The following FIG4 variants were observed in gnomAD, a reference collection of about 807,000 sequenced individuals.
FIG4 encodes the protein polyphosphoinositide phosphatase.
A neutral mutation model predicts 118.6 loss-of-function variants in FIG4; 112 were observed. The ratio of observed to expected loss-of-function variants is 0.94; its 90% CI spans 0.81 to 1.11. The LOEUF (loss-of-function observed/expected upper bound fraction) is 1.11, where lower values mean the gene tolerates loss of function less well. Among genes scored for constraint, FIG4 ranks in the 50% least tolerant of loss-of-function variants. The probability of loss-of-function intolerance (pLI) is 0.00; values close to 1 mark genes in which losing one functional copy is unlikely to be tolerated. For synonymous variants in FIG4, 369 were observed against 381.2 expected (o/e 0.97, Z 0.37); for missense variants, 969 against 1,111.7 (o/e 0.87, Z 1.83).
intron 1 of FIG4, among the ~76,000 whole-genome samples, chr6:109,708,448 T>A (rs1425624553): frequency 6.6e-6 from 1 of 152,258 alleles, no homozygotes; most frequent in African/African-American, 2.4e-5. Flanking sequence ...TGTGTCTTTA[T>A]AATAGAACAA....
intron 22 of FIG4, among the ~76,000 whole-genome samples, chr6:109,798,647 C>T (rs1457025271): frequency 6.6e-6 from 1 of 152,092 alleles, no homozygotes; most frequent in Non-Finnish European, 1.5e-5. Flanking sequence ...CTGATCTTGG[C>T]AGGGATCTGG....
chr6:109,791,671 CA>C, intron 20 of FIG4, 100 bp downstream of exon 20: 1 of 968,740 alleles, frequency 1.0e-6, no homozygotes, highest in Non-Finnish European at 1.6e-6. Context: ...GAAAATGTCA[CA>C]TTATCTCACT....
At chr6:109,736,166 A>G (rs559991504) in intron 6 of FIG4, among the ~76,000 whole-genome samples, 2 of 152,122 alleles carry the variant, frequency 1.3e-5, no homozygotes, top group South Asian at 2.1e-4. Context: ...TGCTCTGTGC[A>G]ACTTAAATGA....
At chr6:109,751,544 TG>T (rs1355578791) in intron 10 of FIG4, among the ~76,000 whole-genome samples, 1 of 152,206 alleles carries the variant, frequency 6.6e-6, no homozygotes, top group Non-Finnish European at 1.5e-5. Context: ...TATCTGGTAC[TG>T]GGCTTTTTTT....
At chr6:109,738,784 G>A (rs1776238008) in intron 7 of FIG4, among the ~76,000 whole-genome samples, 1 of 152,182 alleles carries the variant, frequency 6.6e-6, no homozygotes. Context: ...ACTTGGCCTG[G>A]GCCCTAAACA....
In FIG4 at chr6:109,727,218, C is replaced by A; in HGVS notation, c.399C>A (p.Ile133=). 6.2e-7 allele frequency: 1 copy of A among 1,612,192 alleles called. No individual in the cohort carries two copies. Among genetic ancestry groups the A allele is most frequent in the Non-Finnish European group, 8.5e-7 (1 of 1,178,614 alleles). ...ATAAGGTCGAAGATACAAATATGAT[C>A]TATATACCCAATGATTCTGTACGGG... The part of the protein sequence containing the change: ...AIYKVEDTNM[I]YIPNDSVRVT... Residue 133 remains isoleucine (I), a synonymous_variant, in exon 4 of 23, where the codon ATC becomes ATA. Coordinates refer to ENST00000230124, the MANE Select transcript of FIG4 (RefSeq NM_014845.6).
In FIG4 at chr6:109,765,063, A is replaced by C; in HGVS notation, c.1485A>C (p.Thr495=). The C allele has an allele frequency of 6.2e-7, 1 of 1,613,882 alleles. No individual in the cohort carries two copies. Among genetic ancestry groups the C allele is most frequent in the Non-Finnish European group, 8.5e-7 (1 of 1,179,758 alleles). Residue 495 remains threonine (T), a synonymous_variant, in exon 14 of 23, where the codon ACA becomes ACC. Transcript: ENST00000230124. The part of the protein sequence containing the change: ...NCVDCLDRTN[T]AQFMVGKCAL... Reference sequence around the variant, plus strand: ...TGGACTGTTTAGATCGCACCAACACAGCACAGTTTATGGTGGGAAAATGTG... The same window carrying C: ...TGGACTGTTTAGATCGCACCAACACCGCACAGTTTATGGTGGGAAAATGTG...
At chr6:109,694,574 A>G (rs936069483) in intron 1 of FIG4, among the ~76,000 whole-genome samples, 1 of 152,224 alleles carries the variant, frequency 6.6e-6, no homozygotes, top group African/African-American at 2.4e-5. Flanking sequence ...AACAAACCCA[A>G]AAATAGACAA....
At chr6:109,767,423 A>C (rs1434252417) in intron 15 of FIG4, among the ~76,000 whole-genome samples, 1 of 152,194 alleles carries the variant, frequency 6.6e-6, no homozygotes, top group Admixed American at 6.5e-5. Flanking sequence ...TGGAATTGCC[A>C]ATACAATAGG....
At chr6:109,807,897 G>T (rs1351787034) in intron 22 of FIG4, among the ~76,000 whole-genome samples, 1 of 152,068 alleles carries the variant, frequency 6.6e-6, no homozygotes, top group Non-Finnish European at 1.5e-5. Context: ...TGTCAGATTT[G>T]TCAAAGATTG....
intron 3 of FIG4, among the ~76,000 whole-genome samples, chr6:109,725,985 G>C (rs1200487872): frequency 2.0e-5 from 3 of 152,116 alleles, no homozygotes; most frequent in Non-Finnish European, 4.4e-5. Context: ...GTTCCTTGTA[G>C]ATTCTGGATA....
At chr6:109,798,593 TGAGACTACCTAGGAAGC>T (rs1295408094) in intron 22 of FIG4, among the ~76,000 whole-genome samples, 1 of 152,098 alleles carries the variant, frequency 6.6e-6, no homozygotes, top group African/African-American at 2.4e-5. Context: ...AAGTTAAGGA[TGAGACTACCTAGGAAGC>T]GAGACTACAG....
rs754607430 is a variant in FIG4 at position 109,765,005 on chromosome 6, C to T, written c.1435-8C>T. ...AATGATTGAAAATCTTAAGGTATTT[C>T]TCTTTAGACTGGCATCCTTCGAACC... On this transcript the variant is annotated splice_region_variant and splice_polypyrimidine_tract_variant and intron_variant, in intron 13 of 22. Coordinates refer to ENST00000230124, the MANE Select transcript of FIG4 (RefSeq NM_014845.6). The T allele has an allele frequency of 1.1e-5, 18 of 1,612,174 alleles. No homozygotes were observed. Among genetic ancestry groups the T allele is most frequent in the African/African-American group, 5.3e-5 (4 of 74,842 alleles).
At chr6:109,745,099 CAT>C (rs1416381604) in intron 10 of FIG4, among the ~76,000 whole-genome samples, 1 of 152,094 alleles carries the variant, frequency 6.6e-6, no homozygotes, top group African/African-American at 2.4e-5. Context: ...CTGCAATAAA[CAT>C]ATATGTGCAT....
intron 22 of FIG4, among the ~76,000 whole-genome samples, chr6:109,811,224 A>C (rs1028728334): frequency 2.0e-5 from 3 of 152,166 alleles, no homozygotes; most frequent in Non-Finnish European, 2.9e-5. Context: ...AGGGACCAAT[A>C]AGTGAAACAT....
At position 109,791,404 on chromosome 6, in the gene FIG4, T is replaced by C. The variant is rs1405585378; in HGVS notation, c.2209T>C (p.Leu737=). 5 of 1,613,480 alleles carry C rather than the reference T, an allele frequency of 3.1e-6. No homozygotes were observed. The highest frequency in any genetic ancestry group is 4.2e-6 in the Non-Finnish European group (5 of 1,180,016). ...CAAAAGCAATAGAGAAGAAGCTGTA[T>C]TACAGCGGAAAACGGCAGCCAGCGC... The part of the protein sequence containing the change: ...GNKSNREEAV[L]QRKTAASAPP... The change falls in exon 20 of 23, where the codon TTA becomes CTA. Residue 737 remains leucine (L), a synonymous_variant. Coordinates refer to ENST00000230124, the MANE Select transcript of FIG4 (RefSeq NM_014845.6).
chr6:109,739,742 A>G lies in FIG4; in HGVS notation c.775+1289A>G, dbSNP rs952282538. Among the ~76,000 whole-genome samples, 58 of 152,270 alleles carry G rather than the reference A, an allele frequency of 3.8e-4. 1 individual carries two copies. The highest frequency in any genetic ancestry group is 3.8e-3 in the Admixed American group (58 of 15,272). ...ACCGAAGTTACAGATCTATATTAAA[A>G]TAATAATAATGTACAAAAAAAAATT... On this transcript the variant is annotated intron_variant, in intron 7 of 22. Coordinates refer to ENST00000230124, the MANE Select transcript of FIG4 (RefSeq NM_014845.6).
chr6:109,790,385 T>C (rs1329681240), intron 19 of FIG4, among the ~76,000 whole-genome samples: 1 of 152,240 alleles, frequency 6.6e-6, no homozygotes, highest in East Asian at 1.9e-4. Context: ...ATATGTAGCC[T>C]TTAAATAGCT....
At chr6:109,796,739 T>C in intron 21 of FIG4, 26 bp from the exon 22 acceptor site, 1 of 1,385,802 alleles carries the variant, frequency 7.2e-7, no homozygotes, top group Non-Finnish European at 1.0e-6. Context: ...CTTCTTTAGC[T>C]GACTCTTATC....
Sources: allele counts gnomAD v4.1 joint callset (sites outside exome capture counted in the v4.1 genomes callset), GRCh38; gene constraint gnomAD v4.1.1; transcripts MANE v1.5; gene names NCBI Gene and HGNC (gene_info 2026-07-23, HGNC 2026-07-21).